The following ENDOD1 variants were observed in gnomAD, a reference collection of about 807,000 sequenced individuals.
The protein encoded by ENDOD1 is endonuclease domain-containing 1 protein.
A neutral mutation model predicts 6.5 loss-of-function variants in ENDOD1; 9 were observed. The observed-to-expected ratio is 1.39, with a 90% CI of 0.84 to 2.43. The LOEUF (loss-of-function observed/expected upper bound fraction) is 2.43. ENDOD1 is among the 30% of genes most tolerant of loss of function. The pLI, the probability that ENDOD1 is intolerant of heterozygous loss-of-function variation, is 0.00. For synonymous variants in ENDOD1, 255 were observed against 255.2 expected (o/e 1.00, Z 0.01); for missense variants, 648 against 635.5 (o/e 1.02, Z -0.21).
chr11:95,114,552 A>G (rs1859184461), intron 1 of ENDOD1, among the ~76,000 whole-genome samples: 1 of 152,142 alleles, frequency 6.6e-6, no homozygotes, highest in Admixed American at 6.5e-5. Context: ...CTTACGGGAT[A>G]TTACTCAAGA....
chr11:95,094,234 A>G (rs1449041138), intron 1 of ENDOD1, among the ~76,000 whole-genome samples: 2 of 151,620 alleles, frequency 1.3e-5, no homozygotes, highest in African/African-American at 4.8e-5. Flanking sequence ...GGTAGATATT[A>G]TCTTCATTGT....
Position 95,129,264 on chromosome 11 carries a change from C to T in ENDOD1, c.1188C>T (p.Ser396=). Residue 396 remains serine, a synonymous_variant, in exon 2 of 2, where the codon AGC becomes AGT. Transcript: ENST00000278505. Reference sequence around the variant, plus strand: ...TGGCCATTGGGGAAGAGTTGGTGAGCATTCCCTGGAAGGTGCTCAAGGTCG... The same window carrying T: ...TGGCCATTGGGGAAGAGTTGGTGAGTATTCCCTGGAAGGTGCTCAAGGTCG... ...YFMAIGEELV[S]IPWKVLKVVA... 2.5e-6 allele frequency: 4 copies of T among 1,614,168 alleles called. No homozygotes were observed. Among genetic ancestry groups the T allele is most frequent in the Non-Finnish European group, 3.4e-6 (4 of 1,180,024 alleles).
intron 1 of ENDOD1, among the ~76,000 whole-genome samples, chr11:95,091,880 G>A (rs1325225481): frequency 6.6e-6 from 1 of 152,146 alleles, no homozygotes; most frequent in African/African-American, 2.4e-5. Context: ...GACTAGCTAT[G>A]AACTTGGGCA....
Position 95,129,670 on chromosome 11 carries a change from A to G in ENDOD1, c.*91A>G, listed in dbSNP as rs1859352046. ...GGGTTTCTGTTCACTGTCAGTTATC[A>G]TTATATTTTGGCCTTTGGTGGGGAT... On this transcript the variant is annotated 3_prime_UTR_variant, in exon 2 of 2. Transcript: ENST00000278505. The G allele has an allele frequency of 4.1e-6, 6 of 1,448,922 alleles. No individual in the cohort carries two copies. In the Admixed American group the frequency reaches 1.1e-4, roughly 27 times the overall value. The allele number at this position is 1,448,922 out of a possible 1,614,324, so 89.8% of individuals were successfully genotyped here. A position where few individuals can be genotyped will look rare whatever the true frequency, so the allele number is the denominator to read the frequency against.
intron 1 of ENDOD1, among the ~76,000 whole-genome samples, chr11:95,120,066 G>C (rs1432807899): frequency 6.6e-6 from 1 of 152,164 alleles, no homozygotes; most frequent in Non-Finnish European, 1.5e-5. Context: ...TTTGAGGGCA[G>C]TGGGCTCCCC....
intron 1 of ENDOD1, among the ~76,000 whole-genome samples, chr11:95,119,169 GC>G (rs1164912731): frequency 6.6e-6 from 1 of 152,204 alleles, no homozygotes; most frequent in Non-Finnish European, 1.5e-5. Context: ...GGTCCCTGGT[GC>G]TTTATTTAGT....
intron 1 of ENDOD1, among the ~76,000 whole-genome samples, chr11:95,091,688 C>T (rs1858933003): frequency 6.6e-6 from 1 of 151,676 alleles, no homozygotes; most frequent in Non-Finnish European, 1.5e-5. Context: ...AAACAAATTT[C>T]AGTTAAATTC....
chr11:95,131,871 T>C lies in ENDOD1; in HGVS notation c.*2292T>C, dbSNP rs1859374428. ...CACATCCAATTGTTTAGTGTCTATTTATTCTTGGGTGGCCAGTTTTGAAAC... is the reference window on the plus strand; with the variant it reads ...CACATCCAATTGTTTAGTGTCTATTCATTCTTGGGTGGCCAGTTTTGAAAC... On this transcript the variant is annotated 3_prime_UTR_variant, in exon 2 of 2. Transcript: ENST00000278505. The C allele has an allele frequency of 6.6e-6, 1 of 152,248 alleles. No homozygotes were observed. Among genetic ancestry groups the C allele is most frequent in the Admixed American group, 6.5e-5 (1 of 15,286 alleles). The allele number at this position is 152,248 out of a possible 1,614,324, so 9.4% of individuals were successfully genotyped here.
At chr11:95,110,610 T>TGC (rs1445705867) in intron 1 of ENDOD1, among the ~76,000 whole-genome samples, 3 of 152,052 alleles carry the variant, frequency 2.0e-5, no homozygotes, top group Admixed American at 2.0e-4. Context: ...TGTGTGTGTG[T>TGC]GCTTTTTAAA....
chr11:95,126,513 A>G (rs1430652795), intron 1 of ENDOD1, among the ~76,000 whole-genome samples: 3 of 152,224 alleles, frequency 2.0e-5, no homozygotes, highest in Admixed American at 2.0e-4. Flanking sequence ...ATCCCCAGGA[A>G]TCAAACAACC....
rs202063615 is a variant in ENDOD1 at position 95,129,388 on chromosome 11, G to T, written c.1312G>T (p.Ala438Ser). 1 of 1,614,170 alleles carries T rather than the reference G, an allele frequency of 6.2e-7. No individual in the cohort carries two copies. Among genetic ancestry groups the T allele is most frequent in the Non-Finnish European group, 8.5e-7 (1 of 1,180,012 alleles). The change falls in exon 2 of 2, where the codon GCC (alanine) becomes TCC (serine). Residue 438 changes from alanine to serine, a missense_variant. Transcript: ENST00000278505. The part of the protein sequence containing the change: ...SIPVRVLVDV[A>S]TFPVYTMGAI... ...CCCTGTCCGTGTCCTTGTGGATGTG[G>T]CCACTTTCCCTGTGTACACCATGGG...
chr11:95,119,354 A>G (rs1352726273), intron 1 of ENDOD1, among the ~76,000 whole-genome samples: 2 of 152,230 alleles, frequency 1.3e-5, no homozygotes, highest in African/African-American at 4.8e-5. Flanking sequence ...GTTGTGATCT[A>G]TGCTGTATCT....
In ENDOD1 at chr11:95,129,159, G is replaced by A. The variant is rs753373496; in HGVS notation, c.1083G>A (p.Leu361=). The A allele has an allele frequency of 1.2e-5, 20 of 1,614,140 alleles. No homozygotes were observed. The South Asian group carries it at 1.9e-4, about 15-fold the overall frequency. The stretch of plus-strand genomic sequence containing the variant: ...TCCTGAAGAACATTGTCTATTTCCT[G>A]TGGTGTGTTACCAAGCAGGTGATTA... ...VAILKNIVYF[L]WCVTKQVING... Residue 361 remains leucine (L), a synonymous_variant, in exon 2 of 2, where the codon CTG becomes CTA. Transcript: ENST00000278505.
Position 95,090,064 on chromosome 11 carries a change from G to C in ENDOD1, c.137G>C (p.Gly46Ala). 2 of 1,603,188 alleles carry C rather than the reference G, an allele frequency of 1.2e-6. No individual in the cohort carries two copies. Among genetic ancestry groups the C allele is most frequent in the South Asian group, 1.1e-5 (1 of 88,926 alleles). ...TTCTACGCCGGGACCCCGCCTGCGG[G>C]GCTGGCGGCCGATTCCCACGTGAAG... The part of the protein sequence containing the change: ...KFFYAGTPPA[G>A]LAADSHVKIC... The change falls in exon 1 of 2, where the codon GGG (glycine) becomes GCG (alanine). Residue 46 changes from glycine to alanine, a missense_variant. Gly to Ala is a moderately conservative substitution (Grantham distance 60). Transcript: ENST00000278505.
intron 1 of ENDOD1, among the ~76,000 whole-genome samples, chr11:95,108,467 TG>T (rs1290325373): frequency 6.8e-6 from 1 of 147,568 alleles, no homozygotes; most frequent in East Asian, 2.0e-4. Flanking sequence ...TTTCAGGAAA[TG>T]AAAAGCTCTG....
chr11:95,126,856 AT>A (rs59958105), intron 1 of ENDOD1, among the ~76,000 whole-genome samples: 1 of 149,320 alleles, frequency 6.7e-6, no homozygotes, highest in Admixed American at 6.7e-5. Flanking sequence ...AATTTTTTGA[AT>A]TTTTTTTTTA....
At chr11:95,127,355 G>A (rs1163542238) in intron 1 of ENDOD1, among the ~76,000 whole-genome samples, 1 of 152,122 alleles carries the variant, frequency 6.6e-6, no homozygotes, top group East Asian at 1.9e-4. Context: ...ATATATTGAT[G>A]GCAATTGATA....
intron 1 of ENDOD1, among the ~76,000 whole-genome samples, chr11:95,114,650 C>T (rs983659129): frequency 6.6e-6 from 1 of 152,226 alleles, no homozygotes; most frequent in Middle Eastern, 3.4e-3. Context: ...AGTTTTCATC[C>T]ATTTTGATTT....
chr11:95,126,822 A>C (rs761476646), intron 1 of ENDOD1, among the ~76,000 whole-genome samples: 2 of 152,068 alleles, frequency 1.3e-5, no homozygotes, highest in Non-Finnish European at 2.9e-5. Flanking sequence ...CTGGGACCAC[A>C]GGTGTGTACC....
Sources: allele counts gnomAD v4.1 joint callset (sites outside exome capture counted in the v4.1 genomes callset), GRCh38; gene constraint gnomAD v4.1.1; transcripts MANE v1.5; gene names NCBI Gene and HGNC (gene_info 2026-07-23, HGNC 2026-07-21).